Variants in RUFY1 observed in about 807,000 individuals in gnomAD.
The protein encoded by RUFY1 is RUN and FYVE domain containing 1, also known as RUN and FYVE domain-containing protein 1.
In RUFY1, 54 loss-of-function variants were observed where a neutral mutation model predicts 94.6. That is an observed-to-expected ratio of 0.57 (90% CI 0.46 to 0.72). The LOEUF (loss-of-function observed/expected upper bound fraction) is 0.72. Among genes scored for constraint, RUFY1 ranks in the 30% least tolerant of loss-of-function variants. The probability of loss-of-function intolerance (pLI) is 0.00; values close to 1 mark genes in which losing one functional copy is unlikely to be tolerated. For missense variants in RUFY1, 883 were observed against 883.9 expected (o/e 1.00, Z 0.01); for synonymous variants, 396 against 347.3 (o/e 1.14, Z -1.56).
At chr5:179,580,245 A>ATATATATATTTT (rs59300402) in intron 6 of RUFY1, among the ~76,000 whole-genome samples, 1 of 81,682 alleles carries the variant, frequency 1.2e-5, no homozygotes, top group Non-Finnish European at 2.5e-5. Context: ...GTGTGTGTAT[A>ATATATATATTTT]TTTTTTTTTT....
chr5:179,555,620 ACTT>A, intron 1 of RUFY1: 2 of 347,800 alleles, frequency 5.8e-6, no homozygotes, highest in South Asian at 2.0e-5. Flanking sequence ...AAAACTCCCA[ACTT>A]TTTTTTTTTT....
At chr5:179,552,990 A>G (rs138574026) in intron 1 of RUFY1, among the ~76,000 whole-genome samples, 3 of 152,380 alleles carry the variant, frequency 2.0e-5, no homozygotes, top group African/African-American at 4.8e-5. Context: ...TGGACAGTCA[A>G]TGCAGGCTTT....
chr5:179,597,440 T>A (rs934987276), intron 13 of RUFY1, among the ~76,000 whole-genome samples: 1 of 152,138 alleles, frequency 6.6e-6, no homozygotes, highest in African/African-American at 2.4e-5. Context: ...TTTCACTGTG[T>A]TAACCCAGGA....
chr5:179,596,627 T>A lies in RUFY1; in HGVS notation c.1577T>A (p.Leu526Gln). 1 of 1,612,428 alleles carries A rather than the reference T, an allele frequency of 6.2e-7. No individual in the cohort carries two copies. Among genetic ancestry groups the A allele is most frequent in the Non-Finnish European group, 8.5e-7 (1 of 1,179,732 alleles). ...EERSHKLQQE[L>Q]GGRIGALQLQ... ...CGGAGCCACAAGCTGCAGCAGGAGCTGGGCGGGAGGATCGGCGCCCTGCAG... is the reference window on the plus strand; with the variant it reads ...CGGAGCCACAAGCTGCAGCAGGAGCAGGGCGGGAGGATCGGCGCCCTGCAG... The change falls in exon 13 of 18, where the codon CTG (leucine) becomes CAG (glutamine). Residue 526 changes from leucine to glutamine, a missense_variant. Physicochemically the swap from Leu to Gln is moderately radical, Grantham distance 113. Coordinates refer to ENST00000319449, the MANE Select transcript of RUFY1 (RefSeq NM_025158.5).
At chr5:179,555,169 C>T (rs995401158) in intron 1 of RUFY1, among the ~76,000 whole-genome samples, 2 of 151,650 alleles carry the variant, frequency 1.3e-5, no homozygotes, top group Admixed American at 6.6e-5. Context: ...AACAAACATG[C>T]GTGTTTTAAG....
chr5:179,559,990 C>G (rs747758968), intron 1 of RUFY1, 35 bp from the exon 2 acceptor site: 1 of 1,600,626 alleles, frequency 6.2e-7, no homozygotes, highest in East Asian at 2.2e-5. Context: ...CACGCTCAGT[C>G]CACTAACGAA....
chr5:179,608,560 A>G, intron 17 of RUFY1: 1 of 985,282 alleles, frequency 1.0e-6, no homozygotes, highest in Non-Finnish European at 1.2e-6. Context: ...AACGAACCAG[A>G]CTCTTCCTGT....
intron 13 of RUFY1, chr5:179,596,923 G>C: frequency 2.0e-6 from 1 of 491,522 alleles, no homozygotes; most frequent in Non-Finnish European, 3.5e-6. Context: ...TCAAACCATG[G>C]TACCAGGTCA....
At chr5:179,607,770 G>A in intron 17 of RUFY1, 111 bp downstream of exon 17, 1 of 898,846 alleles carries the variant, frequency 1.1e-6, no homozygotes, top group Non-Finnish European at 1.7e-6. Context: ...CCCGGTGACT[G>A]TGCTGACTGT....
intron 5 of RUFY1, chr5:179,572,225 G>A (rs960606662): frequency 3.4e-6 from 1 of 295,098 alleles, no homozygotes; most frequent in Non-Finnish European, 6.9e-6. Context: ...GGTGGATGGC[G>A]CCTTCCAGGA....
chr5:179,593,222 C>T (rs1031583359), intron 10 of RUFY1, among the ~76,000 whole-genome samples: 14 of 152,066 alleles, frequency 9.2e-5, no homozygotes, highest in African/African-American at 3.4e-4. Flanking sequence ...GGATTACAGG[C>T]GCATGCCACC....
At chr5:179,592,366 C>T (rs1430635619) in intron 10 of RUFY1, among the ~76,000 whole-genome samples, 1 of 152,200 alleles carries the variant, frequency 6.6e-6, no homozygotes, top group African/African-American at 2.4e-5. Context: ...GATCCGCCCG[C>T]CTGAGCCTCC....
intron 1 of RUFY1, among the ~76,000 whole-genome samples, chr5:179,555,033 T>G (rs1270777795): frequency 6.6e-6 from 1 of 152,218 alleles, no homozygotes; most frequent in Non-Finnish European, 1.5e-5. Flanking sequence ...ATTGTATCTT[T>G]GAGAGTTTCC....
intron 8 of RUFY1, among the ~76,000 whole-genome samples, chr5:179,587,359 T>A (rs1764686400): frequency 7.0e-6 from 1 of 141,852 alleles, no homozygotes; most frequent in South Asian, 2.3e-4. Context: ...CAGCTTCGGT[T>A]ATGTTTTCTT....
intron 14 of RUFY1, among the ~76,000 whole-genome samples, chr5:179,601,568 C>T (rs1488273031): frequency 1.3e-5 from 2 of 150,820 alleles, no homozygotes; most frequent in Non-Finnish European, 3.0e-5. Context: ...CGCCTGTAAT[C>T]CCAGCACTTT....
intron 15 of RUFY1, among the ~76,000 whole-genome samples, chr5:179,603,929 C>T (rs975929319): frequency 6.6e-5 from 10 of 152,196 alleles, no homozygotes; most frequent in Admixed American, 4.6e-4. Context: ...TGGTGGAGCG[C>T]GCCTGTAATC....
At chr5:179,593,218 C>G (rs984690098) in intron 10 of RUFY1, among the ~76,000 whole-genome samples, 1 of 152,178 alleles carries the variant, frequency 6.6e-6, no homozygotes, top group African/African-American at 2.4e-5. Context: ...GCTGGGATTA[C>G]AGGCGCATGC....
chr5:179,551,942 G>C (rs1761876354), intron 1 of RUFY1, among the ~76,000 whole-genome samples: 1 of 151,076 alleles, frequency 6.6e-6, no homozygotes, highest in Non-Finnish European at 1.5e-5. Flanking sequence ...GAAGCGGGTG[G>C]ATCACGAGGT....
chr5:179,584,768 AAAAAAAAAC>A (rs879916986), intron 7 of RUFY1, among the ~76,000 whole-genome samples: 17 of 109,792 alleles, frequency 1.5e-4, no homozygotes, highest in Admixed American at 3.8e-4. Context: ...TTTCAAAAAC[AAAAAAAAAC>A]AAAAAAAAGT....
Sources: allele counts gnomAD v4.1 joint callset (sites outside exome capture counted in the v4.1 genomes callset), GRCh38; gene constraint gnomAD v4.1.1; transcripts MANE v1.5; gene names NCBI Gene and HGNC (gene_info 2026-07-23, HGNC 2026-07-21).